MFAP3L: variants seen among roughly 807,000 people sequenced by gnomAD.
MFAP3L encodes the protein microfibril associated protein 3 like, also known as microfibrillar-associated protein 3-like.
Under a neutral mutation model 20.0 loss-of-function variants are expected in MFAP3L, and 5 were observed. The observed-to-expected ratio is 0.25, with a 90% CI of 0.13 to 0.53. The LOEUF (loss-of-function observed/expected upper bound fraction) is 0.53. Among genes scored for constraint, MFAP3L ranks in the 20% least tolerant of loss-of-function variants. MFAP3L has a pLI of 0.96. For synonymous variants in MFAP3L, 219 were observed against 213.0 expected, an observed-to-expected ratio of 1.03 and a Z score of -0.25; for missense variants, 409 against 527.5, an observed-to-expected ratio of 0.78 and a Z score of 2.20.
chr4:169,988,454 G>A lies in MFAP3L; in HGVS notation c.*2924C>T, dbSNP rs535690300. ...GAAGCCAGAAATTGATTTTACAAAC[G>A]ACTACATACGACCCAAAGGACGAGG... On this transcript the variant is annotated 3_prime_UTR_variant, in exon 3 of 3. Coordinates refer to ENST00000361618, the MANE Select transcript of MFAP3L (RefSeq NM_021647.8). 1.2e-4 allele frequency: 18 copies of A among 152,272 alleles called. No homozygotes were observed. The highest frequency in any genetic ancestry group is 3.4e-3 in the Middle Eastern group (1 of 294). The allele number at this position is 152,272 out of a possible 1,614,324, so 9.4% of individuals were successfully genotyped here.
At position 169,988,023 on chromosome 4, in the gene MFAP3L, G is replaced by C. The variant is rs1460375735; in HGVS notation, c.*3355C>G. 6.6e-6 allele frequency: 1 copy of C among 152,130 alleles called. No individual in the cohort carries two copies. The highest frequency in any genetic ancestry group is 1.5e-5 in the Non-Finnish European group (1 of 68,004). The allele number at this position is 152,130 out of a possible 1,614,324, so 9.4% of individuals were successfully genotyped here. On this transcript the variant is annotated 3_prime_UTR_variant, in exon 3 of 3. Transcript: ENST00000361618. ...TCAACCTTAGTTGTGAAAAACAAAT[G>C]CTCATAAGCATCCAAGACAAATCAT...
chr4:170,027,138 G>A (rs983468120), upstream of MFAP3L: 2 of 150,582 alleles, frequency 1.3e-5, no homozygotes, highest in African/African-American at 4.9e-5. Flanking sequence ...AAAAAGTAGA[G>A]TACTCTAAAA....
rs55782822 is a variant in MFAP3L at position 169,991,319 on chromosome 4, C to T, written c.*59G>A. ...GCTTAGCGGCAAGTGCGTACTACAT[C>T]TGTATTACAAGGAGCAGCCCCTGAT... is the stretch of plus-strand genomic sequence containing the variant. On this transcript the variant is annotated 3_prime_UTR_variant, in exon 3 of 3. Transcript: ENST00000361618. This position sits in a 1 kb window ranked among gnomAD's most constrained non-coding sequence, Gnocchi z 4.9. 41 of 1,515,042 alleles carry T rather than the reference C, an allele frequency of 2.7e-5. No individual in the cohort carries two copies. The highest frequency in any genetic ancestry group is 3.5e-5 in the Non-Finnish European group (39 of 1,114,652). 93.8% of individuals were successfully genotyped at this position (1,515,042 alleles called of 1,614,324 possible).
chr4:170,017,132 G>C (rs1739748878), intron 1 of MFAP3L, among the ~76,000 whole-genome samples: 1 of 152,146 alleles, frequency 6.6e-6, no homozygotes, highest in Non-Finnish European at 1.5e-5. Flanking sequence ...TCATCTGTTT[G>C]AAAAGATGCA....
chr4:169,996,660 G>A (rs567317020), intron 2 of MFAP3L, among the ~76,000 whole-genome samples: 16 of 152,280 alleles, frequency 1.1e-4, no homozygotes, highest in East Asian at 3.9e-4. Context: ...ACTGTGAGCC[G>A]CTGGAGCTGA....
At chr4:169,994,472 G>C in intron 2 of MFAP3L, 1 of 981,078 alleles carries the variant, frequency 1.0e-6, no homozygotes, top group Non-Finnish European at 1.2e-6. Context: ...AATTGTTATA[G>C]AAAAATAAAA....
chr4:170,025,196 T>G (rs1173028413), intron 1 of MFAP3L, among the ~76,000 whole-genome samples: 3 of 152,218 alleles, frequency 2.0e-5, no homozygotes, highest in African/African-American at 7.2e-5. Flanking sequence ...CTGTTATAAC[T>G]TACGGTCTCA....
rs112019698 is a variant in MFAP3L, at chr4:169,990,758, T to C, written c.*620A>G. The C allele has an allele frequency of 1.1e-4, 17 of 152,578 alleles. No homozygotes were observed. Among genetic ancestry groups the C allele is most frequent in the African/African-American group, 4.1e-4 (17 of 41,570 alleles). The allele number at this position is 152,578 out of a possible 1,614,324, so 9.5% of individuals were successfully genotyped here. The stretch of plus-strand genomic sequence containing the variant: ...AAAAATAACAAGCCTCGTAACTACT[T>C]TGGAACATGACAAATGTAATGTGAC... On this transcript the variant is annotated 3_prime_UTR_variant, in exon 3 of 3. Coordinates refer to ENST00000361618, the MANE Select transcript of MFAP3L (RefSeq NM_021647.8).
At position 169,988,525 on chromosome 4, in the gene MFAP3L, A is replaced by G. The variant is rs1173637998; in HGVS notation, c.*2853T>C. 6.6e-6 allele frequency: 1 copy of G among 152,220 alleles called. No individual in the cohort carries two copies. Among genetic ancestry groups the G allele is most frequent in the African/African-American group, 2.4e-5 (1 of 41,456 alleles). 9.4% of individuals were successfully genotyped at this position (152,220 alleles called of 1,614,324 possible). ...TTTTAAAACTGCCCAAATGAGTCCA[A>G]TGTGCACGAGTGTGTATGCACACAC... On this transcript the variant is annotated 3_prime_UTR_variant, in exon 3 of 3. Transcript: ENST00000361618.
At position 170,005,730 on chromosome 4, in the gene MFAP3L, T is replaced by C. The variant is rs749615419; in HGVS notation, c.148A>G (p.Ile50Val). 3 of 1,614,214 alleles carry C rather than the reference T, an allele frequency of 1.9e-6. No individual in the cohort carries two copies. The highest frequency in any genetic ancestry group is 2.5e-6 in the Non-Finnish European group (3 of 1,180,028). The change falls in exon 2 of 3, where the codon ATT (isoleucine) becomes GTT (valine). Residue 50 changes from isoleucine to valine, a missense_variant. Transcript: ENST00000361618. ...ACTATGATATGGTCAGTTCTGGCAA[T>C]GATTACGGGCACAGAGCCCAAGACC... The part of the protein sequence containing the change: ...NVVLGSVPVI[I>V]ARTDHIIVKE...
At chr4:170,018,686 A>C (rs1343246572) in intron 1 of MFAP3L, among the ~76,000 whole-genome samples, 1 of 152,222 alleles carries the variant, frequency 6.6e-6, no homozygotes, top group Non-Finnish European at 1.5e-5. Context: ...AAATGTTTTG[A>C]AATGGAGAAA....
intron 1 of MFAP3L, among the ~76,000 whole-genome samples, chr4:170,022,024 G>T (rs1262641535): frequency 2.6e-5 from 4 of 152,168 alleles, no homozygotes; most frequent in Admixed American, 2.6e-4. Flanking sequence ...TTAAATTTTA[G>T]CTTTCACAGC....
At position 169,992,374 on chromosome 4, in the gene MFAP3L, C is replaced by G; in HGVS notation, c.299-65G>C. On this transcript the variant is annotated intron_variant, in intron 2 of 2. Transcript: ENST00000361618. The surrounding 1 kb of genome is among the most constrained non-coding windows in gnomAD (Gnocchi z 4.3). ...GAGCTCCCATGACTACAAACTGATA[C>G]GTTTCTAAGAACATCTATGAACATC... 3 of 1,348,174 alleles carry G rather than the reference C, an allele frequency of 2.2e-6. No individual in the cohort carries two copies. The highest frequency in any genetic ancestry group is 2.1e-6 in the Non-Finnish European group (2 of 975,458). The allele number at this position is 1,348,174 out of a possible 1,614,324, so 83.5% of individuals were successfully genotyped here.
At chr4:169,998,364 C>T (rs186046965) in intron 2 of MFAP3L, among the ~76,000 whole-genome samples, 92 of 152,348 alleles carry the variant, frequency 6.0e-4, no homozygotes, top group Non-Finnish European at 8.7e-4. Flanking sequence ...TCAGAACTAA[C>T]GCTCACACAA....
At chr4:170,015,937 G>T (rs149650182) in intron 1 of MFAP3L, among the ~76,000 whole-genome samples, 3 of 152,094 alleles carry the variant, frequency 2.0e-5, no homozygotes, top group African/African-American at 7.2e-5. Flanking sequence ...ACCAAGGCCC[G>T]TGTCTTTGGG....
At chr4:170,001,821 C>A (rs912807800) in intron 2 of MFAP3L, 4 of 666,206 alleles carry the variant, frequency 6.0e-6, no homozygotes, top group Non-Finnish European at 7.4e-6. Context: ...ATAGAGATCA[C>A]ACATTAGCCT....
intron 2 of MFAP3L, among the ~76,000 whole-genome samples, chr4:169,993,116 G>A (rs1401025316): frequency 6.6e-6 from 1 of 152,180 alleles, no homozygotes; most frequent in African/African-American, 2.4e-5. Flanking sequence ...AAAGGATCTA[G>A]CATCGCCTCA....
chr4:170,006,455 C>T (rs1447919866), intron 1 of MFAP3L: 1 of 152,146 alleles, frequency 6.6e-6, no homozygotes, highest in Non-Finnish European at 1.5e-5. Flanking sequence ...ATAAGATGTT[C>T]CGGATGTGAA....
intron 1 of MFAP3L, among the ~76,000 whole-genome samples, chr4:170,019,000 A>G (rs1739868880): frequency 1.3e-5 from 2 of 152,216 alleles, no homozygotes; most frequent in South Asian, 4.1e-4. Context: ...TGCTATCCAC[A>G]GCCATCCTGG....
Sources: allele counts gnomAD v4.1 joint callset (sites outside exome capture counted in the v4.1 genomes callset), GRCh38; gene constraint gnomAD v4.1.1; non-coding constraint Gnocchi (gnomAD v3.1); transcripts MANE v1.5; gene names NCBI Gene and HGNC (gene_info 2026-07-23, HGNC 2026-07-21).